Variants in CNOT4 observed in about 807,000 individuals in gnomAD.
The protein encoded by CNOT4 is CCR4-NOT transcription complex subunit 4, also known as CCR4-associated factor 4.
A neutral mutation model predicts 73.8 loss-of-function variants in CNOT4; 8 were observed. The observed-to-expected ratio is 0.11, with a 90% CI of 0.06 to 0.20. CNOT4 has a LOEUF of 0.20. CNOT4 is among the 10% of genes least tolerant of loss of function. The probability of loss-of-function intolerance (pLI) is 1.00; values close to 1 mark genes in which losing one functional copy is unlikely to be tolerated. For missense variants in CNOT4, 564 were observed against 883.4 expected (o/e 0.64, Z 4.58); for synonymous variants, 293 against 321.1 (o/e 0.91, Z 0.94).
At chr7:135,381,072 AAT>A (rs1210001082) in intron 10 of CNOT4, among the ~76,000 whole-genome samples, 1 of 152,210 alleles carries the variant, frequency 6.6e-6, no homozygotes, top group East Asian at 1.9e-4. Context: ...ATTGCATTTA[AAT>A]AGGGTCTTTG....
intron 10 of CNOT4, among the ~76,000 whole-genome samples, chr7:135,371,287 C>T (rs1260053106): frequency 1.3e-5 from 2 of 152,166 alleles, no homozygotes; most frequent in African/African-American, 2.4e-5. Flanking sequence ...AGTCTGTGTC[C>T]TGGGCAGGAC....
At chr7:135,463,843 C>T (rs1269598872) in intron 1 of CNOT4, among the ~76,000 whole-genome samples, 1 of 150,466 alleles carries the variant, frequency 6.6e-6, no homozygotes, top group Non-Finnish European at 1.5e-5. Flanking sequence ...AAGAGAAAAA[C>T]AAACAATCTC....
intron 1 of CNOT4, among the ~76,000 whole-genome samples, chr7:135,474,112 T>A (rs961816168): frequency 1.3e-5 from 2 of 150,670 alleles, no homozygotes; most frequent in Non-Finnish European, 3.0e-5. Flanking sequence ...CCCGAGTAGC[T>A]GAGATTACAG....
chr7:135,414,469 A>G, intron 4 of CNOT4, 37 bp from the exon 5 acceptor site: 1 of 916,796 alleles, frequency 1.1e-6, no homozygotes, highest in African/African-American at 1.7e-5. Flanking sequence ...GTTATTAGTT[A>G]AAAATTAAAC....
intron 10 of CNOT4, among the ~76,000 whole-genome samples, chr7:135,370,947 A>C (rs569715687): frequency 6.6e-6 from 1 of 152,294 alleles, no homozygotes; most frequent in South Asian, 2.1e-4. Context: ...ACGCATCAAA[A>C]CTGTTTAAAG....
intron 1 of CNOT4, among the ~76,000 whole-genome samples, chr7:135,439,296 G>T (rs375790521): frequency 6.6e-6 from 1 of 151,978 alleles, no homozygotes; most frequent in Non-Finnish European, 1.5e-5. Context: ...TACATAATTG[G>T]ACAAACTGAT....
chr7:135,432,499 AC>A (rs1212595876), intron 2 of CNOT4, among the ~76,000 whole-genome samples: 1 of 152,200 alleles, frequency 6.6e-6, no homozygotes, highest in Admixed American at 6.5e-5. Flanking sequence ...CTCTTTTAGA[AC>A]ACCAAGTATT....
chr7:135,499,863 C>T (rs182021524), intron 1 of CNOT4, among the ~76,000 whole-genome samples: 2 of 152,150 alleles, frequency 1.3e-5, no homozygotes, highest in East Asian at 1.9e-4. Context: ...CATGAAAACC[C>T]CTGTTAAAAC....
chr7:135,442,462 G>A (rs1488033941), intron 1 of CNOT4, among the ~76,000 whole-genome samples: 7 of 152,110 alleles, frequency 4.6e-5, no homozygotes, highest in Admixed American at 2.0e-4. Context: ...AGCCGAGCGT[G>A]TTGGTGCATG....
At chr7:135,366,253 G>T (rs950855758) in intron 10 of CNOT4, among the ~76,000 whole-genome samples, 2 of 152,102 alleles carry the variant, frequency 1.3e-5, no homozygotes, top group Non-Finnish European at 2.9e-5. Context: ...TGAAATTGAG[G>T]AACATTTAAT....
chr7:135,487,992 C>T (rs1329252814), intron 1 of CNOT4, among the ~76,000 whole-genome samples: 2 of 151,898 alleles, frequency 1.3e-5, no homozygotes, highest in Non-Finnish European at 2.9e-5. Flanking sequence ...CACTGGGAGG[C>T]GGAGCTTGCA....
At chr7:135,387,845 A>G (rs778354109) in intron 10 of CNOT4, 47 of 977,812 alleles carry the variant, frequency 4.8e-5, no homozygotes, top group Non-Finnish European at 5.3e-5. Flanking sequence ...TAGGTGGCCT[A>G]ATTTTAGAGG....
At chr7:135,403,269 T>C (rs1051637036) in intron 7 of CNOT4, among the ~76,000 whole-genome samples, 1 of 152,236 alleles carries the variant, frequency 6.6e-6, no homozygotes, top group Admixed American at 6.5e-5. Context: ...TTTTGCCATT[T>C]ACCAGAGTCC....
chr7:135,460,867 C>T (rs2129486298), intron 1 of CNOT4, among the ~76,000 whole-genome samples: 1 of 152,284 alleles, frequency 6.6e-6, no homozygotes, highest in African/African-American at 2.4e-5. Flanking sequence ...TTCTATGTGA[C>T]CATGTAGAGC....
intron 10 of CNOT4, among the ~76,000 whole-genome samples, chr7:135,367,799 T>C (rs1794995553): frequency 6.6e-6 from 1 of 152,110 alleles, no homozygotes; most frequent in Non-Finnish European, 1.5e-5. Context: ...AAACTTACCA[T>C]AAGATGTGAA....
chr7:135,478,693 A>G (rs546314193), intron 1 of CNOT4, among the ~76,000 whole-genome samples: 1 of 152,130 alleles, frequency 6.6e-6, no homozygotes, highest in East Asian at 1.9e-4. Flanking sequence ...ACAGAATGAA[A>G]CTCTGTCTGA....
chr7:135,501,939 G>A (rs531083025), intron 1 of CNOT4, among the ~76,000 whole-genome samples: 1 of 152,314 alleles, frequency 6.6e-6, no homozygotes, highest in South Asian at 2.1e-4. Flanking sequence ...GAGGTGATTA[G>A]GCTATGAGGG....
chr7:135,388,741 C>A, intron 10 of CNOT4: 1 of 1,569,224 alleles, frequency 6.4e-7, no homozygotes, highest in Non-Finnish European at 8.7e-7. Context: ...TGCAAAAATC[C>A]AGTTGCCCAT....
intron 1 of CNOT4, among the ~76,000 whole-genome samples, chr7:135,445,134 A>C (rs1396215752): frequency 6.6e-6 from 1 of 152,240 alleles, no homozygotes; most frequent in Non-Finnish European, 1.5e-5. Context: ...TGTGAGACTG[A>C]GTTCTGTATT....
Sources: allele counts gnomAD v4.1 joint callset (sites outside exome capture counted in the v4.1 genomes callset), GRCh38; gene constraint gnomAD v4.1.1; transcripts MANE v1.5; gene names NCBI Gene and HGNC (gene_info 2026-07-23, HGNC 2026-07-21).